Variants in AFTPH observed in about 807,000 individuals in gnomAD.
The protein encoded by AFTPH is aftiphilin protein.
Under a neutral mutation model 72.5 loss-of-function variants are expected in AFTPH, and 7 were observed. That is an observed-to-expected ratio of 0.10 (90% CI 0.05 to 0.18). AFTPH has a LOEUF of 0.18. AFTPH is among the 10% of genes least tolerant of loss of function. The pLI is 1.00. For missense variants in AFTPH, 979 were observed against 1,060.5 expected (o/e 0.92, Z 1.07); for synonymous variants, 337 against 370.1 (o/e 0.91, Z 1.03).
At chr2:64,528,087 A>C (rs1221717397) in intron 1 of AFTPH, among the ~76,000 whole-genome samples, 2 of 152,262 alleles carry the variant, frequency 1.3e-5, no homozygotes, top group Non-Finnish European at 2.9e-5. Flanking sequence ...TAACTTGAAG[A>C]TAAACCTTGC....
chr2:64,552,729 A>G, exon 2 of AFTPH: 4 of 1,614,192 alleles, frequency 2.5e-6, no homozygotes, highest in Non-Finnish European at 2.5e-6. Flanking sequence ...TGATAGTAGT[A>G]ATGACTTTGT....
At chr2:64,533,811 C>T (rs1669753331) in intron 1 of AFTPH, among the ~76,000 whole-genome samples, 1 of 151,976 alleles carries the variant, frequency 6.6e-6, no homozygotes, top group African/African-American at 2.4e-5. Context: ...TATGAAAATT[C>T]TATATTGCTA....
At chr2:64,570,886 G>A (rs1208700758) in intron 5 of AFTPH, among the ~76,000 whole-genome samples, 5 of 144,490 alleles carry the variant, frequency 3.5e-5, no homozygotes, top group African/African-American at 1.3e-4. Context: ...CTATTTCTAT[G>A]GACTTTTTTT....
chr2:64,552,018 C>G lies in AFTPH; in HGVS notation c.544C>G (p.Leu182Val), dbSNP rs1437697652. 5 of 1,613,792 alleles carry G rather than the reference C, an allele frequency of 3.1e-6. No homozygotes were observed. Among genetic ancestry groups the G allele is most frequent in the South Asian group, 2.2e-5 (2 of 91,088 alleles). ...TGAAAAGCCTCCTTGTCTGGAGATT[C>G]TAACAAATGGGTTTGCAGTGTTGGA... Residue 182 changes from leucine to valine, a missense_variant, in exon 2 of 9, where the codon CTA becomes GTA. Leu to Val is a conservative substitution (Grantham distance 32). Around this residue, in one of 3 missense-constraint regions of AFTPH, gnomAD observed 498 missense variants for 467.6 expected, o/e 1.06. Transcript: ENST00000238856.
chr2:64,524,851 C>T (rs1387144950), intron 1 of AFTPH, among the ~76,000 whole-genome samples: 1 of 152,254 alleles, frequency 6.6e-6, no homozygotes, highest in Non-Finnish European at 1.5e-5. Flanking sequence ...CTCGCCATCC[C>T]GGGCACCGGC....
chr2:64,581,588 T>A (rs1673204097), intron 7 of AFTPH, among the ~76,000 whole-genome samples: 1 of 152,208 alleles, frequency 6.6e-6, no homozygotes, highest in Non-Finnish European at 1.5e-5. Context: ...TTTATATGCT[T>A]ATTTTTAAAA....
intron 7 of AFTPH, among the ~76,000 whole-genome samples, chr2:64,581,577 T>A (rs1673202243): frequency 6.6e-6 from 1 of 152,202 alleles, no homozygotes. Flanking sequence ...AAATGTGATA[T>A]TTTATATGCT....
chr2:64,536,842 A>AT (rs890199569), intron 1 of AFTPH, among the ~76,000 whole-genome samples: 28 of 149,536 alleles, frequency 1.9e-4, no homozygotes, highest in African/African-American at 6.8e-4. Flanking sequence ...AGTCCCAGTT[A>AT]TTTGGGTGGC....
intron 1 of AFTPH, among the ~76,000 whole-genome samples, chr2:64,546,981 G>A (rs575359072): frequency 1.3e-5 from 2 of 152,022 alleles, no homozygotes; most frequent in Admixed American, 1.3e-4. Context: ...CCCGGGAGGC[G>A]GAGCTTGCAG....
chr2:64,533,679 A>G (rs1229701649), intron 1 of AFTPH, among the ~76,000 whole-genome samples: 2 of 152,222 alleles, frequency 1.3e-5, no homozygotes, highest in Admixed American at 6.5e-5. Context: ...ATGTGATGGT[A>G]TACTATATAA....
At chr2:64,567,706 G>A (rs1558620727) in exon 3 of AFTPH, 1 of 1,610,654 alleles carries the variant, frequency 6.2e-7, no homozygotes. Flanking sequence ...GGCCTTACCT[G>A]AAAGTGGGTA....
chr2:64,564,633 AAT>A (rs377752101), intron 2 of AFTPH, among the ~76,000 whole-genome samples: 14 of 122,216 alleles, frequency 1.1e-4, no homozygotes, highest in African/African-American at 3.7e-4. Context: ...AAAAATAAAA[AAT>A]AAAATAAATA....
At chr2:64,565,875 C>T (rs1193987166) in intron 2 of AFTPH, among the ~76,000 whole-genome samples, 1 of 152,104 alleles carries the variant, frequency 6.6e-6, no homozygotes, top group Admixed American at 6.5e-5. Flanking sequence ...AGCTTCATTC[C>T]ACTCATTTGA....
chr2:64,568,258 T>G (rs189514469), intron 3 of AFTPH, among the ~76,000 whole-genome samples: 1 of 152,150 alleles, frequency 6.6e-6, no homozygotes, highest in East Asian at 1.9e-4. Context: ...GGTTAATTTC[T>G]TATTTGGCAT....
At chr2:64,591,489 T>A (rs1673821215) in intron 8 of AFTPH, among the ~76,000 whole-genome samples, 1 of 152,088 alleles carries the variant, frequency 6.6e-6, no homozygotes, top group Non-Finnish European at 1.5e-5. Flanking sequence ...TTTTAGCGGG[T>A]GGAGGGGCAG....
exon 1 of AFTPH, chr2:64,524,409 G>T: frequency 2.5e-6 from 1 of 405,166 alleles, no homozygotes; most frequent in Non-Finnish European, 4.3e-6. Context: ...GGCGGAAGAG[G>T]GCGGAGGGTA....
At chr2:64,569,804 AATAG>A (rs1230692142) in intron 5 of AFTPH, 125 bp downstream of exon 5, 19 of 769,538 alleles carry the variant, frequency 2.5e-5, no homozygotes, top group Middle Eastern at 2.8e-4. Flanking sequence ...GAAGGGTATA[AATAG>A]ATCTTTTTTG....
intron 1 of AFTPH, among the ~76,000 whole-genome samples, chr2:64,550,909 T>C (rs1334766452): frequency 6.6e-6 from 1 of 152,178 alleles, no homozygotes; most frequent in Admixed American, 6.5e-5. Flanking sequence ...CTTAAACTAT[T>C]TCAAATTATT....
At chr2:64,591,804 G>C in intron 8 of AFTPH, 84 bp from the exon 10 acceptor site, 2 of 1,450,272 alleles carry the variant, frequency 1.4e-6, no homozygotes, top group Non-Finnish European at 1.9e-6. Flanking sequence ...ATTGCTAACT[G>C]TCTACCTTGA....
Sources: gnomAD v4.1 joint callset for allele counts (sites outside exome capture counted in the v4.1 genomes callset) on GRCh38, gnomAD v4.1.1 for gene constraint, gnomAD v4.1.1 regional missense constraint, MANE v1.5 for transcripts, NCBI Gene and HGNC (gene_info 2026-07-23, HGNC 2026-07-21) for gene names.